EFCAB12: variants seen among roughly 807,000 people sequenced by gnomAD.
EFCAB12 encodes EF-hand calcium-binding domain-containing protein 12.
EFCAB12 carries 43 observed loss-of-function variants against 53.6 expected under a neutral mutation model. The ratio of observed to expected loss-of-function variants is 0.80; its 90% CI spans 0.63 to 1.03. EFCAB12 has a LOEUF of 1.03. Ranked by LOEUF, EFCAB12 falls within the 50% of genes least tolerant of loss-of-function variation. The pLI, the probability that EFCAB12 is intolerant of heterozygous loss-of-function variation, is 0.00. For missense variants in EFCAB12, 646 were observed against 730.6 expected (o/e 0.88, Z 1.34); for synonymous variants, 269 against 289.2 (o/e 0.93, Z 0.71).
intron 8 of EFCAB12, 111 bp from the exon 9 acceptor site, chr3:129,401,962 A>G: frequency 7.2e-7 from 1 of 1,390,122 alleles, no homozygotes; most frequent in Non-Finnish European, 9.6e-7. Context: ...CACTGTGCCA[A>G]GCACTTCAGC....
At chr3:129,410,584 C>T (rs2072024307) in intron 5 of EFCAB12, among the ~76,000 whole-genome samples, 1 of 152,158 alleles carries the variant, frequency 6.6e-6, no homozygotes, top group Admixed American at 6.5e-5. Flanking sequence ...TCTCAAAGCG[C>T]TGGGCTAACA....
At chr3:129,418,231 CAG>C (rs1195207894) in intron 3 of EFCAB12, 21 bp downstream of exon 3, 3 of 1,587,668 alleles carry the variant, frequency 1.9e-6, no homozygotes, top group Non-Finnish European at 2.6e-6. Context: ...TAGGCCCATC[CAG>C]AGAAAGCAGG....
chr3:129,415,451 T>C, intron 3 of EFCAB12, 50 bp from the exon 4 acceptor site: 1 of 1,605,464 alleles, frequency 6.2e-7, no homozygotes, highest in Non-Finnish European at 8.5e-7. Flanking sequence ...CCAAACATCC[T>C]GCTCTGATGG....
intron 6 of EFCAB12, among the ~76,000 whole-genome samples, chr3:129,407,451 A>G (rs1402748818): frequency 6.6e-6 from 1 of 152,232 alleles, no homozygotes; most frequent in South Asian, 2.1e-4. Context: ...GTTCTCACGT[A>G]AGTCACACCA....
In EFCAB12 at chr3:129,421,563, T is replaced by C. The variant is rs551740547; in HGVS notation, c.290A>G (p.Glu97Gly). ...CCAGGTCTTCCTGTCCTCTGGCTGC[T>C]CTTGGATATCTCTAGCTTCCAGAAC... is the stretch of plus-strand genomic sequence containing the variant. ...FKVLEARDIQ[E>G]QPEDRKTWLS... Residue 97 changes from glutamate to glycine, a missense_variant, in exon 2 of 9, where the codon GAG becomes GGG. By Grantham distance (98) the Glu-to-Gly change is moderately conservative. Transcript: ENST00000505956. The C allele has an allele frequency of 6.2e-7, 1 of 1,613,986 alleles. No homozygotes were observed. Among genetic ancestry groups the C allele is most frequent in the Admixed American group, 1.7e-5 (1 of 60,022 alleles).
At chr3:129,402,341 G>C (rs146833637) in intron 8 of EFCAB12, among the ~76,000 whole-genome samples, 182 bp downstream of exon 8, 350 of 152,298 alleles carry the variant, frequency 2.3e-3, no homozygotes, top group Non-Finnish European at 4.0e-3. Context: ...ATCTGAGTGA[G>C]TGAACACATG....
Position 129,415,419 on chromosome 3 carries a change from C to G in EFCAB12, c.682-18G>C. 1 of 1,613,102 alleles carries G rather than the reference C, an allele frequency of 6.2e-7. No individual in the cohort carries two copies. The highest frequency in any genetic ancestry group is 1.3e-5 in the African/African-American group (1 of 74,992). The stretch of plus-strand genomic sequence containing the variant: ...ACTCCGACCTGAGGAGAGAGAAGAC[C>G]TTCAGACTAGCAGGCTCCCATCCAA... On this transcript the variant is annotated intron_variant, in intron 3 of 8. Transcript: ENST00000505956.
chr3:129,415,456 T>C, intron 3 of EFCAB12, 55 bp from the exon 4 acceptor site: 1 of 1,601,784 alleles, frequency 6.2e-7, no homozygotes. Flanking sequence ...CATCCTGCTC[T>C]GATGGCCAAG....
chr3:129,422,958 C>T (rs950901006), intron 1 of EFCAB12, among the ~76,000 whole-genome samples: 1 of 152,154 alleles, frequency 6.6e-6, no homozygotes, highest in Admixed American at 6.5e-5. Flanking sequence ...AACCCTATCT[C>T]TCTTGTTCCT....
chr3:129,425,733 C>G (rs1230869336), intron 1 of EFCAB12, among the ~76,000 whole-genome samples: 1 of 152,148 alleles, frequency 6.6e-6, no homozygotes, highest in Non-Finnish European at 1.5e-5. Flanking sequence ...TGGGTAGAGA[C>G]TATGTGACAA....
chr3:129,405,339 T>C (rs537170627), intron 6 of EFCAB12, among the ~76,000 whole-genome samples: 2 of 152,218 alleles, frequency 1.3e-5, no homozygotes, highest in South Asian at 2.1e-4. Flanking sequence ...TGTTGGTTAT[T>C]TGGGGGTTGG....
Position 129,428,582 on chromosome 3 carries a change from C to A in EFCAB12, c.-94G>T, listed in dbSNP as rs955885617. 74 of 1,461,828 alleles carry A rather than the reference C, an allele frequency of 5.1e-5. No individual in the cohort carries two copies. The highest frequency in any genetic ancestry group is 1.7e-4 in the Middle Eastern group (1 of 5,728). The allele number at this position is 1,461,828 out of a possible 1,614,324, so 90.6% of individuals were successfully genotyped here. On this transcript the variant is annotated 5_prime_UTR_variant, in exon 1 of 9. Coordinates refer to ENST00000505956, the MANE Select transcript of EFCAB12 (RefSeq NM_207307.3). Reference sequence around the variant, plus strand: ...AGGGGTACCGGGGTATCAGATAAACCGTAACTCCAAGTCGTGCGAAAGGCG... The same window carrying A: ...AGGGGTACCGGGGTATCAGATAAACAGTAACTCCAAGTCGTGCGAAAGGCG...
chr3:129,404,447 G>T, intron 6 of EFCAB12, 44 bp from the exon 7 acceptor site: 12 of 1,538,634 alleles, frequency 7.8e-6, no homozygotes, highest in Non-Finnish European at 1.1e-5. Context: ...AACCCAGACT[G>T]CCCATCCCTC....
Position 129,411,012 on chromosome 3 carries a change from A to G in EFCAB12, c.1035+146T>C. On this transcript the variant is annotated intron_variant, in intron 5 of 8. Transcript: ENST00000505956. ...GGCAGGTATTGTTCTTATTTTACAG[A>G]TGAGGGACGTGAAGAAGGGGTGGTT... 8.9e-6 allele frequency: 7 copies of G among 789,894 alleles called. No individual in the cohort carries two copies. In the South Asian group the frequency reaches 1.3e-4, roughly 15 times the overall value. 48.9% of individuals were successfully genotyped at this position (789,894 alleles called of 1,614,324 possible).
Position 129,421,812 on chromosome 3 carries a change from AAG to A in EFCAB12, c.50-11_50-10del. ...CTTAGACGGGCAGAGTCCTTGGGGT[AAG>A]AGAGTTAAAAGATGAGTTTCTCTCT... On this transcript the variant is annotated splice_polypyrimidine_tract_variant and intron_variant, in intron 1 of 8. Transcript: ENST00000505956. 6.3e-7 allele frequency: 1 copy of A among 1,598,434 alleles called. No homozygotes were observed. The highest frequency in any genetic ancestry group is 8.5e-7 in the Non-Finnish European group (1 of 1,170,646).
chr3:129,407,846 G>A (rs1345444982), intron 6 of EFCAB12, among the ~76,000 whole-genome samples: 10 of 152,206 alleles, frequency 6.6e-5, no homozygotes, highest in African/African-American at 1.9e-4. Context: ...CCTGGGAGGC[G>A]GAGCTTGCAG....
intron 7 of EFCAB12, 54 bp downstream of exon 7, chr3:129,404,196 G>C: frequency 6.3e-7 from 1 of 1,576,672 alleles, no homozygotes; most frequent in Admixed American, 1.8e-5. Context: ...ACACTGAAGG[G>C]ATAGCAATGG....
chr3:129,423,201 A>G (rs1383750655), intron 1 of EFCAB12, among the ~76,000 whole-genome samples: 2 of 152,182 alleles, frequency 1.3e-5, no homozygotes, highest in Non-Finnish European at 2.9e-5. Flanking sequence ...GTTACTTGAT[A>G]TTACCCAGGG....
chr3:129,414,900 G>T (rs1019827688), intron 4 of EFCAB12: 7 of 186,610 alleles, frequency 3.8e-5, no homozygotes, highest in Non-Finnish European at 6.5e-5. Flanking sequence ...TAGTGAGGAG[G>T]CCTTGGACCC....
Sources: gnomAD v4.1 joint callset for allele counts (sites outside exome capture counted in the v4.1 genomes callset) on GRCh38, gnomAD v4.1.1 for gene constraint, MANE v1.5 for transcripts, NCBI Gene and HGNC (gene_info 2026-07-23, HGNC 2026-07-21) for gene names.